EXOC6B: variants seen among roughly 807,000 people sequenced by gnomAD.
EXOC6B encodes the protein SEC15 homolog B.
In EXOC6B, 54 loss-of-function variants were observed where a neutral mutation model predicts 113.5. That is an observed-to-expected ratio of 0.48 (90% CI 0.38 to 0.60). EXOC6B has a LOEUF of 0.60. EXOC6B is among the 20% of genes least tolerant of loss of function. EXOC6B has a pLI of 0.00. For synonymous variants in EXOC6B, 357 were observed against 339.0 expected (o/e 1.05, Z -0.58); for missense variants, 797 against 977.5 (o/e 0.82, Z 2.46).
chr2:72,404,553 T>C lies in EXOC6B; in HGVS notation c.1981-24683A>G, dbSNP rs111937675. ...GGCAGCAGCATTTGCTGTTCACCAA[T>C]ATTCACTGTTCTGCAGCCTCCTCTA... On this transcript the variant is annotated intron_variant, in intron 18 of 21. Transcript: ENST00000272427. 1.2e-3 allele frequency among the ~76,000 whole-genome samples: 187 copies of C among 152,256 alleles called. 2 individuals carry two copies. The highest frequency in any genetic ancestry group is 4.4e-3 in the African/African-American group (181 of 41,558).
At chr2:72,291,823 A>C (rs1685812229) in intron 20 of EXOC6B, among the ~76,000 whole-genome samples, 1 of 152,228 alleles carries the variant, frequency 6.6e-6, no homozygotes, top group Admixed American at 6.5e-5. Flanking sequence ...CTAATGACAC[A>C]GGCTCAAGAA....
At chr2:72,796,810 C>T (rs1226786661) in intron 1 of EXOC6B, among the ~76,000 whole-genome samples, 1 of 152,216 alleles carries the variant, frequency 6.6e-6, no homozygotes, top group East Asian at 1.9e-4. Flanking sequence ...GACATCCCCA[C>T]TCATTTCCAC....
At chr2:72,277,277 T>C (rs1271937688) in intron 20 of EXOC6B, among the ~76,000 whole-genome samples, 1 of 152,182 alleles carries the variant, frequency 6.6e-6, no homozygotes, top group East Asian at 1.9e-4. Context: ...AAGCTGCTTA[T>C]GCAAATTTAT....
intron 16 of EXOC6B, among the ~76,000 whole-genome samples, chr2:72,486,262 G>A (rs533719433): frequency 2.6e-5 from 4 of 151,874 alleles, no homozygotes; most frequent in Non-Finnish European, 5.9e-5. Context: ...CCAGCTACTC[G>A]GGAGGCTGAG....
In EXOC6B at chr2:72,179,359, T is replaced by G; in HGVS notation, c.2412A>C (p.Gly804=). 1 of 1,611,628 alleles carries G rather than the reference T, an allele frequency of 6.2e-7. No homozygotes were observed. Among genetic ancestry groups the G allele is most frequent in the Non-Finnish European group, 8.5e-7 (1 of 1,178,954 alleles). Reference sequence around the variant, plus strand: ...TTCATGAGTGGTGGCTGCTGATGAGTCCTCGGAGCTGCTTGGCCACGGTGT... The same window carrying G: ...TTCATGAGTGGTGGCTGCTGATGAGGCCTCGGAGCTGCTTGGCCACGGTGT... ...LIDTVAKQLR[G]LISSHHS Residue 804 remains glycine (G), a synonymous_variant, in exon 22 of 22, where the codon GGA becomes GGC. Transcript: ENST00000272427.
intron 1 of EXOC6B, among the ~76,000 whole-genome samples, chr2:72,758,800 G>C (rs1682590117): frequency 6.6e-6 from 1 of 152,190 alleles, no homozygotes; most frequent in African/African-American, 2.4e-5. Flanking sequence ...CTGTTGCAAA[G>C]TTCTTATAGA....
In EXOC6B at chr2:72,810,464, A is replaced by G. The variant is rs1685841070; in HGVS notation, c.113+15334T>C. On this transcript the variant is annotated intron_variant, in intron 1 of 21. Coordinates refer to ENST00000272427, the MANE Select transcript of EXOC6B (RefSeq NM_015189.3). ...TACAGGTAAAGCAATGCTTGAAGGA[A>G]AAATGTATACATTTAACACCTTAAA... Among the ~76,000 whole-genome samples the G allele has an allele frequency of 2.6e-5, 4 of 151,972 alleles. No individual in the cohort carries two copies. The South Asian group carries it at 8.3e-4, about 32-fold the overall frequency.
intron 18 of EXOC6B, among the ~76,000 whole-genome samples, chr2:72,401,646 CAT>C (rs72155589): frequency 0.16 from 3,362 of 20,490 alleles, 263 homozygotes; most frequent in Non-Finnish European, 0.2. Flanking sequence ...TACATATATA[CAT>C]ATATATATAT....
chr2:72,473,988 T>C (rs944180445), intron 17 of EXOC6B, among the ~76,000 whole-genome samples: 10 of 152,128 alleles, frequency 6.6e-5, no homozygotes, highest in African/African-American at 2.2e-4. Context: ...ATGAGAAAGA[T>C]TGTATTTCTC....
chr2:72,548,206 T>C (rs142697647), intron 8 of EXOC6B, among the ~76,000 whole-genome samples: 26 of 152,248 alleles, frequency 1.7e-4, no homozygotes, highest in African/African-American at 4.3e-4. Flanking sequence ...TACTTCACTT[T>C]AGTCACCAAA....
chr2:72,797,882 C>T (rs1189217354), intron 1 of EXOC6B, among the ~76,000 whole-genome samples: 1 of 151,652 alleles, frequency 6.6e-6, no homozygotes, highest in South Asian at 2.1e-4. Context: ...TTCATCCCTA[C>T]CCCCCAATGG....
At chr2:72,672,993 A>G (rs748953148) in intron 6 of EXOC6B, among the ~76,000 whole-genome samples, 9 of 152,224 alleles carry the variant, frequency 5.9e-5, no homozygotes, top group East Asian at 1.9e-4. Flanking sequence ...GGATATCCCA[A>G]TTACTCTGAT....
At chr2:72,596,022 G>A (rs1197282448) in intron 6 of EXOC6B, among the ~76,000 whole-genome samples, 1 of 152,026 alleles carries the variant, frequency 6.6e-6, no homozygotes, top group African/African-American at 2.4e-5. Context: ...AGAAAAGGAA[G>A]GCCTCTGGCT....
chr2:72,514,597 A>ATATAT (rs1558751166), intron 10 of EXOC6B, 37 bp downstream of exon 10: 12 of 207,482 alleles, frequency 5.8e-5, no homozygotes, highest in African/African-American at 3.0e-4. Flanking sequence ...TAAATAAATA[A>ATATAT]ATAAATAAAT....
intron 8 of EXOC6B, among the ~76,000 whole-genome samples, chr2:72,518,524 G>T (rs1268175992): frequency 6.6e-6 from 1 of 150,930 alleles, no homozygotes; most frequent in African/African-American, 2.4e-5. Context: ...GTGTGTGGTG[G>T]GTGGGGGAAG....
At chr2:72,715,308 T>C (rs1328076335) in intron 6 of EXOC6B, among the ~76,000 whole-genome samples, 16 of 151,690 alleles carry the variant, frequency 1.1e-4, no homozygotes, top group Non-Finnish European at 1.5e-5. Flanking sequence ...AAGACATATA[T>C]AAATGTAAAT....
intron 6 of EXOC6B, among the ~76,000 whole-genome samples, chr2:72,622,951 A>C (rs1350992941): frequency 2.6e-5 from 4 of 152,198 alleles, no homozygotes; most frequent in Admixed American, 1.3e-4. Flanking sequence ...ACAGCCGAAC[A>C]TATGCATACC....
At chr2:72,470,772 C>T (rs1306405509) in intron 17 of EXOC6B, among the ~76,000 whole-genome samples, 1 of 149,628 alleles carries the variant, frequency 6.7e-6, no homozygotes, top group Non-Finnish European at 1.5e-5. Flanking sequence ...CCAGCTTCAT[C>T]CATGTCCCTA....
chr2:72,598,765 G>A (rs1303356669), intron 6 of EXOC6B, among the ~76,000 whole-genome samples: 1 of 151,966 alleles, frequency 6.6e-6, no homozygotes, highest in Non-Finnish European at 1.5e-5. Context: ...AGAATATTAT[G>A]AACAAATCTA....
Sources: gnomAD v4.1 joint callset for allele counts (sites outside exome capture counted in the v4.1 genomes callset) on GRCh38, gnomAD v4.1.1 for gene constraint, MANE v1.5 for transcripts, NCBI Gene and HGNC (gene_info 2026-07-23, HGNC 2026-07-21) for gene names.